The following IP6K3 variants were observed in gnomAD, a reference collection of about 807,000 sequenced individuals.
The protein encoded by IP6K3 is inositol hexakisphosphate kinase 3.
A neutral mutation model predicts 28.8 loss-of-function variants in IP6K3; 20 were observed. The observed-to-expected ratio is 0.70, with a 90% CI of 0.49 to 1.01. The LOEUF is 1.01. Ranked by LOEUF, IP6K3 falls within the 50% of genes least tolerant of loss-of-function variation. IP6K3 has a pLI of 0.00. For missense variants in IP6K3, 480 were observed against 537.1 expected, an observed-to-expected ratio of 0.89 and a Z score of 1.05; for synonymous variants, 213 against 221.3, an observed-to-expected ratio of 0.96 and a Z score of 0.33.
the IP6K3 span, among the ~76,000 whole-genome samples, chr6:33,752,454 C>CTCTTGTTGGT: frequency 6.6e-6 from 1 of 152,258 alleles, no homozygotes; most frequent in African/African-American, 2.4e-5. Context: ...GAGCCTGCCA[C>CTCTTGTTGGT]TCTTGTTGGT....
Position 33,746,366 on chromosome 6 carries a change from G to A in IP6K3, c.-180+392C>T, listed in dbSNP as rs141576280. Among the ~76,000 whole-genome samples, 495 of 152,236 alleles carry A rather than the reference G, an allele frequency of 3.3e-3. No individual in the cohort carries two copies. The highest frequency in any genetic ancestry group is 0.01 in the African/African-American group (433 of 41,520). Reference sequence around the variant, plus strand: ...CCGCGTTTCTTGGACACCGGCCTCTGTTAAGGGTTAACGCAGCCCCCGGTA... The same window carrying A: ...CCGCGTTTCTTGGACACCGGCCTCTATTAAGGGTTAACGCAGCCCCCGGTA... On this transcript the variant is annotated intron_variant, in intron 1 of 5. Coordinates refer to ENST00000293756, the MANE Select transcript of IP6K3 (RefSeq NM_054111.5). This position sits in a 1 kb window ranked among gnomAD's most constrained non-coding sequence, Gnocchi z 6.5.
intron 1 of IP6K3, among the ~76,000 whole-genome samples, chr6:33,737,549 C>G (rs920043032): frequency 2.6e-5 from 4 of 152,252 alleles, no homozygotes; most frequent in Admixed American, 2.6e-4. Context: ...GTTCAGGCCT[C>G]TGGCTCAGAG....
the IP6K3 span, among the ~76,000 whole-genome samples, chr6:33,757,928 G>A: frequency 6.6e-6 from 1 of 152,146 alleles, no homozygotes; most frequent in Non-Finnish European, 1.5e-5. Flanking sequence ...ACATACATCC[G>A]AGGCAGGGGG....
the IP6K3 span, among the ~76,000 whole-genome samples, chr6:33,760,066 C>A: frequency 6.6e-6 from 1 of 152,266 alleles, no homozygotes; most frequent in African/African-American, 2.4e-5. Flanking sequence ...AGACAGATGC[C>A]GATGTGAAAA....
the IP6K3 span, among the ~76,000 whole-genome samples, chr6:33,760,644 C>T: frequency 6.6e-6 from 1 of 152,238 alleles, no homozygotes; most frequent in African/African-American, 2.4e-5. Context: ...TCTCCTGCCT[C>T]AGCCTCCCAA....
At chr6:33,729,933 C>T (rs971083981) in intron 2 of IP6K3, among the ~76,000 whole-genome samples, 2 of 152,110 alleles carry the variant, frequency 1.3e-5, no homozygotes, top group African/African-American at 4.8e-5. Context: ...AGGCTGGTGT[C>T]GAACTCCTGA....
rs982057670 is a variant in IP6K3 at position 33,741,982 on chromosome 6, A to G, written c.-180+4776T>C. 1.4e-4 allele frequency among the ~76,000 whole-genome samples: 21 copies of G among 152,124 alleles called. 1 individual carries two copies. Among genetic ancestry groups the G allele is most frequent in the Admixed American group, 1.4e-3 (21 of 15,274 alleles). On this transcript the variant is annotated intron_variant, in intron 1 of 5. Coordinates refer to ENST00000293756, the MANE Select transcript of IP6K3 (RefSeq NM_054111.5). The stretch of plus-strand genomic sequence containing the variant: ...AAAATAAACAAAAACAAGCAAAAAA[A>G]AAAAAAACAAAGCAACTTCACTTGA...
Position 33,746,091 on chromosome 6 carries a change from C to T in IP6K3, c.-180+667G>A, listed in dbSNP as rs1418337635. On this transcript the variant is annotated intron_variant, in intron 1 of 5. Coordinates refer to ENST00000293756, the MANE Select transcript of IP6K3 (RefSeq NM_054111.5). This position sits in a 1 kb window ranked among gnomAD's most constrained non-coding sequence, Gnocchi z 6.5. ...CTCAGTTCTCAGGTTCACTAGGGTA[C>T]CTAGAAGAGTCATGGGTGGGGGCCA... is the stretch of plus-strand genomic sequence containing the variant. 6.6e-6 allele frequency among the ~76,000 whole-genome samples: 1 copy of T among 152,096 alleles called. No individual in the cohort carries two copies. The highest frequency in any genetic ancestry group is 2.4e-5 in the African/African-American group (1 of 41,396).
At chr6:33,754,632 C>G in the IP6K3 span, among the ~76,000 whole-genome samples, 1 of 152,266 alleles carries the variant, frequency 6.6e-6, no homozygotes, top group Non-Finnish European at 1.5e-5. Flanking sequence ...GGCCCTGCAC[C>G]TGGGCAGGTT....
At chr6:33,748,444 G>A (rs181181043), upstream of IP6K3, among the ~76,000 whole-genome samples, 874 of 151,940 alleles carry the variant, frequency 5.8e-3, 4 homozygotes, top group Non-Finnish European at 6.4e-3. Context: ...AGCACAGCAG[G>A]AGCCGCTCAG....
the IP6K3 span, among the ~76,000 whole-genome samples, chr6:33,761,411 C>T: frequency 0.061 from 9,304 of 152,180 alleles, 446 homozygotes; most frequent in Middle Eastern, 0.21. Context: ...CTGGCCAGGC[C>T]GCAGTGGGCA....
chr6:33,725,547 G>A lies in IP6K3; in HGVS notation c.659C>T (p.Thr220Ile). Reference protein sequence around the residue: ...HPCVLDLKMGTRQHGDDASEE... With the variant: ...HPCVLDLKMGIRQHGDDASEE... ...CGATGCATCATCGCCGTGCTGCCGG[G>A]TCCCCATCTTCAGATCCAGGACACA... The change falls in exon 5 of 6, where the codon ACC becomes ATC. Residue 220 changes from threonine (T) to isoleucine (I), a missense_variant. Thr to Ile is a moderately conservative substitution (Grantham distance 89). Transcript: ENST00000293756. 6.2e-7 allele frequency: 1 copy of A among 1,614,150 alleles called. No homozygotes were observed. The highest frequency in any genetic ancestry group is 8.5e-7 in the Non-Finnish European group (1 of 1,180,032).
chr6:33,742,899 C>G lies in IP6K3; in HGVS notation c.-180+3859G>C, dbSNP rs898936794. On this transcript the variant is annotated intron_variant, in intron 1 of 5. Coordinates refer to ENST00000293756, the MANE Select transcript of IP6K3 (RefSeq NM_054111.5). The surrounding 1 kb of genome is among the most constrained non-coding windows in gnomAD (Gnocchi z 4.5). ...GGAGGAGGGGAGATGTTGGCTCAGC[C>G]TTGGGGAGCTTGGGGAGGGCCTGCT... is the stretch of plus-strand genomic sequence containing the variant. 1.3e-5 allele frequency among the ~76,000 whole-genome samples: 2 copies of G among 151,952 alleles called. No individual in the cohort carries two copies. Among genetic ancestry groups the G allele is most frequent in the African/African-American group, 4.8e-5 (2 of 41,338 alleles).
intron 1 of IP6K3, among the ~76,000 whole-genome samples, chr6:33,736,995 CT>C (rs1484647535): frequency 6.6e-6 from 1 of 152,180 alleles, no homozygotes; most frequent in Admixed American, 6.5e-5. Flanking sequence ...CCTCACAGCT[CT>C]GGGTTGTAGG....
intron 1 of IP6K3, among the ~76,000 whole-genome samples, chr6:33,740,370 A>C (rs1418541110): frequency 1.3e-5 from 2 of 152,100 alleles, no homozygotes; most frequent in African/African-American, 4.8e-5. Flanking sequence ...GCTGGGCCTC[A>C]CTCCAGGAGA....
At chr6:33,750,436 G>A (rs891288973), upstream of IP6K3, among the ~76,000 whole-genome samples, 2 of 152,132 alleles carry the variant, frequency 1.3e-5, no homozygotes, top group Non-Finnish European at 2.9e-5. This position sits in a 1 kb window ranked among gnomAD's most constrained non-coding sequence, Gnocchi z 4.3. Flanking sequence ...TCAGATGCCA[G>A]CTCCAGCTCC....
chr6:33,724,037 C>A (rs1291542904), intron 5 of IP6K3, among the ~76,000 whole-genome samples: 1 of 152,156 alleles, frequency 6.6e-6, no homozygotes, highest in Non-Finnish European at 1.5e-5. Context: ...CTAGAAGGGG[C>A]AGCCTGTGCC....
chr6:33,754,105 G>A, the IP6K3 span, among the ~76,000 whole-genome samples: 3,472 of 152,246 alleles, frequency 0.023, 54 homozygotes, highest in African/African-American at 0.046. Context: ...CACCGCGCCC[G>A]GTGGCCTATT....
In IP6K3 at chr6:33,723,796, A is replaced by T. The variant is rs1271433360; in HGVS notation, c.766-609T>A. Among the ~76,000 whole-genome samples, 3 of 152,132 alleles carry T rather than the reference A, an allele frequency of 2.0e-5. No individual in the cohort carries two copies. In the East Asian group the frequency reaches 5.8e-4, roughly 29 times the overall value. ...TTGAGGGGAGCCTGGTGGAGGAGGG[A>T]GGTTCATGGCAGCTCTGTGGGGCTG... On this transcript the variant is annotated intron_variant, in intron 5 of 5. Coordinates refer to ENST00000293756, the MANE Select transcript of IP6K3 (RefSeq NM_054111.5).
Sources: allele counts gnomAD v4.1 joint callset (sites outside exome capture counted in the v4.1 genomes callset), GRCh38; gene constraint gnomAD v4.1.1; non-coding constraint Gnocchi (gnomAD v3.1); transcripts MANE v1.5; gene names NCBI Gene and HGNC (gene_info 2026-07-23, HGNC 2026-07-21).